B4GALT6: variants seen among roughly 807,000 people sequenced by gnomAD.
B4GALT6 encodes the protein beta-1,4-galactosyltransferase 6, also known as UDP-Gal:beta-GlcNAc beta-1,4-galactosyltransferase 6.
B4GALT6 carries 14 observed loss-of-function variants against 46.3 expected under a neutral mutation model. That is an observed-to-expected ratio of 0.30 (90% CI 0.20 to 0.47). The LOEUF is 0.47. Among genes scored for constraint, B4GALT6 ranks in the 20% least tolerant of loss-of-function variants. B4GALT6 has a pLI of 0.99. For missense variants in B4GALT6, 386 were observed against 480.1 expected, an observed-to-expected ratio of 0.80 and a Z score of 1.83; for synonymous variants, 168 against 162.0, an observed-to-expected ratio of 1.04 and a Z score of -0.28.
At chr18:31,635,645 A>C (rs1334065155) in intron 5 of B4GALT6, among the ~76,000 whole-genome samples, 1 of 152,176 alleles carries the variant, frequency 6.6e-6, no homozygotes, top group Non-Finnish European at 1.5e-5. Flanking sequence ...TTTTAGGAAT[A>C]AAAATTTGAG....
the B4GALT6 span, among the ~76,000 whole-genome samples, chr18:31,713,417 T>C: frequency 1.3e-5 from 2 of 152,232 alleles, no homozygotes; most frequent in Non-Finnish European, 2.9e-5. Context: ...AAGCAGTTTA[T>C]ACACCTCATT....
At chr18:31,696,732 A>G in the B4GALT6 span, among the ~76,000 whole-genome samples, 1 of 152,136 alleles carries the variant, frequency 6.6e-6, no homozygotes, top group Non-Finnish European at 1.5e-5. Context: ...TCTTCTCTCT[A>G]TGGCATTTTA....
the B4GALT6 span, among the ~76,000 whole-genome samples, chr18:31,720,750 A>G: frequency 6.6e-6 from 1 of 152,204 alleles, no homozygotes; most frequent in African/African-American, 2.4e-5. Context: ...CACCCGTGCC[A>G]TAGGGTCCTC....
intron 3 of B4GALT6, among the ~76,000 whole-genome samples, chr18:31,652,397 C>G (rs1282104414): frequency 6.6e-6 from 1 of 152,146 alleles, no homozygotes; most frequent in East Asian, 1.9e-4. Context: ...GCAGTCTTGT[C>G]TCTCTGGGAT....
chr18:31,625,080 T>C lies in B4GALT6; in HGVS notation c.*534A>G, dbSNP rs1173810333. 2.6e-5 allele frequency: 4 copies of C among 152,798 alleles called. No individual in the cohort carries two copies. Among genetic ancestry groups the C allele is most frequent in the Non-Finnish European group, 5.9e-5 (4 of 68,150 alleles). The allele number at this position is 152,798 out of a possible 1,614,324, so 9.5% of individuals were successfully genotyped here. On this transcript the variant is annotated 3_prime_UTR_variant, in exon 9 of 9. Transcript: ENST00000306851. ...CTAGTATAACAGTTTACTGTATTAG[T>C]TGGCTGTCAATTATTGACAGTTCCT...
At chr18:31,683,058 G>C (rs190028315) in intron 1 of B4GALT6, among the ~76,000 whole-genome samples, 1 of 152,130 alleles carries the variant, frequency 6.6e-6, no homozygotes, top group Non-Finnish European at 1.5e-5. Context: ...TTTGGGATAC[G>C]TCAACGTTTC....
chr18:31,689,613 G>A (rs543724137), upstream of B4GALT6, among the ~76,000 whole-genome samples: 6 of 152,136 alleles, frequency 3.9e-5, no homozygotes, highest in East Asian at 1.9e-4. Flanking sequence ...GCATGGTGGC[G>A]CACACCTGTA....
chr18:31,644,756 G>C (rs1379726591), intron 4 of B4GALT6, among the ~76,000 whole-genome samples: 2 of 152,136 alleles, frequency 1.3e-5, no homozygotes, highest in African/African-American at 4.8e-5. Context: ...ACACTGAATA[G>C]AATTCTGACA....
intron 1 of B4GALT6, among the ~76,000 whole-genome samples, chr18:31,670,870 T>C (rs545584835): frequency 6.6e-6 from 1 of 152,238 alleles, no homozygotes; most frequent in East Asian, 1.9e-4. Context: ...TCACCTACAT[T>C]AGGTATTTCT....
rs2073659789 is a variant in B4GALT6 at position 31,624,420 on chromosome 18, A to T, written c.*1194T>A. ...AGAGATATAATCTCTTAAAAGTGAAAAAAACAAAATATAGTTTGAATGAAA... is the reference window on the plus strand; with the variant it reads ...AGAGATATAATCTCTTAAAAGTGAATAAAACAAAATATAGTTTGAATGAAA... On this transcript the variant is annotated 3_prime_UTR_variant, in exon 9 of 9. Coordinates refer to ENST00000306851, the MANE Select transcript of B4GALT6 (RefSeq NM_004775.5). The T allele has an allele frequency of 6.6e-6, 1 of 152,042 alleles. No individual in the cohort carries two copies. Among genetic ancestry groups the T allele is most frequent in the Non-Finnish European group, 1.5e-5 (1 of 67,928 alleles). The allele number at this position is 152,042 out of a possible 1,614,324, so 9.4% of individuals were successfully genotyped here. A position where few individuals can be genotyped will look rare whatever the true frequency, so the allele number is the denominator to read the frequency against.
intron 6 of B4GALT6, among the ~76,000 whole-genome samples, chr18:31,629,145 C>T (rs563229768): frequency 1.3e-5 from 2 of 152,200 alleles, no homozygotes; most frequent in East Asian, 3.9e-4. Flanking sequence ...ATATGGTATA[C>T]AATACATATA....
At chr18:31,721,164 G>T in the B4GALT6 span, among the ~76,000 whole-genome samples, 70,588 of 144,000 alleles carry the variant, frequency 0.49, 19,334 homozygotes, top group South Asian at 0.68. Flanking sequence ...TTGTAACAGC[G>T]TATGTCCACC....
intron 1 of B4GALT6, among the ~76,000 whole-genome samples, chr18:31,683,402 T>C (rs1472847844): frequency 1.3e-5 from 2 of 152,194 alleles, no homozygotes; most frequent in Non-Finnish European, 2.9e-5. Flanking sequence ...TAATTGAACA[T>C]TAAATACGTA....
chr18:31,647,688 C>G (rs369374518), intron 3 of B4GALT6, among the ~76,000 whole-genome samples: 2 of 152,168 alleles, frequency 1.3e-5, no homozygotes, highest in East Asian at 3.9e-4. Flanking sequence ...AAAGTGTGAT[C>G]AGAGAGAGGA....
chr18:31,641,299 A>G (rs1489275136), intron 4 of B4GALT6, among the ~76,000 whole-genome samples: 1 of 152,270 alleles, frequency 6.6e-6, no homozygotes, highest in African/African-American at 2.4e-5. Context: ...GGAAACTGAG[A>G]CGGTAATAAA....
At chr18:31,651,381 A>G (rs1005723081) in intron 3 of B4GALT6, among the ~76,000 whole-genome samples, 1 of 151,738 alleles carries the variant, frequency 6.6e-6, no homozygotes, top group Admixed American at 6.6e-5. Flanking sequence ...TTTTTTTTGT[A>G]TTGTGACTCC....
the B4GALT6 span, among the ~76,000 whole-genome samples, chr18:31,699,447 T>C: frequency 2.0e-5 from 3 of 151,826 alleles, no homozygotes; most frequent in Non-Finnish European, 4.4e-5. Flanking sequence ...TAATTTTTTG[T>C]ATCTTTAGTA....
chr18:31,696,445 T>G, the B4GALT6 span, among the ~76,000 whole-genome samples: 8 of 152,362 alleles, frequency 5.3e-5, no homozygotes, highest in Middle Eastern at 3.4e-3. Context: ...CAAGTTTTAC[T>G]TCATTGCCTT....
chr18:31,710,625 G>A, the B4GALT6 span, among the ~76,000 whole-genome samples: 1 of 151,972 alleles, frequency 6.6e-6, no homozygotes, highest in African/African-American at 2.4e-5. Flanking sequence ...AGCCACCAGA[G>A]GAAACCAACC....
Sources: allele counts gnomAD v4.1 joint callset (sites outside exome capture counted in the v4.1 genomes callset), GRCh38; gene constraint gnomAD v4.1.1; transcripts MANE v1.5; gene names NCBI Gene and HGNC (gene_info 2026-07-23, HGNC 2026-07-21).